The following PTPRG variants were observed in gnomAD, a reference collection of about 807,000 sequenced individuals.
PTPRG encodes protein tyrosine phosphatase receptor type G, also known as receptor-type tyrosine-protein phosphatase gamma.
Under a neutral mutation model 165.3 loss-of-function variants are expected in PTPRG, and 102 were observed. The observed-to-expected ratio is 0.62, with a 90% CI of 0.53 to 0.73. PTPRG has a LOEUF of 0.73. Ranked by LOEUF, PTPRG falls within the 30% of genes least tolerant of loss-of-function variation. PTPRG has a pLI of 0.00. For synonymous variants in PTPRG, 675 were observed against 669.5 expected, an observed-to-expected ratio of 1.01 and a Z score of -0.13; for missense variants, 1,866 against 1,861.4, an observed-to-expected ratio of 1.00 and a Z score of -0.05.
At chr3:61,824,406 A>G (rs1337545635) in intron 2 of PTPRG, among the ~76,000 whole-genome samples, 1 of 152,236 alleles carries the variant, frequency 6.6e-6, no homozygotes, top group East Asian at 1.9e-4. Context: ...CAGGTTACTC[A>G]TGTAGGATAG....
At chr3:62,051,110 G>C (rs188548310) in intron 4 of PTPRG, among the ~76,000 whole-genome samples, 5 of 152,300 alleles carry the variant, frequency 3.3e-5, no homozygotes, top group Admixed American at 3.3e-4. Flanking sequence ...CATAAGTGAG[G>C]CATGTCTCCA....
chr3:62,179,099 T>G (rs1443493474), intron 8 of PTPRG, among the ~76,000 whole-genome samples: 1 of 152,154 alleles, frequency 6.6e-6, no homozygotes, highest in Non-Finnish European at 1.5e-5. Flanking sequence ...GTTGAAGCTG[T>G]TTTTCTTCAG....
intron 1 of PTPRG, among the ~76,000 whole-genome samples, chr3:61,691,420 A>G (rs992462305): frequency 1.3e-5 from 2 of 152,148 alleles, no homozygotes; most frequent in Non-Finnish European, 2.9e-5. Context: ...CAAACAAAAA[A>G]CAAGTTGCAG....
At chr3:62,048,920 A>G (rs1466216596) in intron 4 of PTPRG, among the ~76,000 whole-genome samples, 1 of 152,174 alleles carries the variant, frequency 6.6e-6, no homozygotes. Flanking sequence ...GAGTAAAGGG[A>G]GTTTGAGATA....
At chr3:61,713,327 A>ATTT (rs556907427) in intron 1 of PTPRG, among the ~76,000 whole-genome samples, 2 of 135,504 alleles carry the variant, frequency 1.5e-5, no homozygotes, top group South Asian at 2.4e-4. Flanking sequence ...CGCTCAGCTA[A>ATTT]TTTTTTTTTT....
At chr3:61,866,337 C>A (rs2037407277) in intron 2 of PTPRG, among the ~76,000 whole-genome samples, 1 of 152,110 alleles carries the variant, frequency 6.6e-6, no homozygotes, top group Non-Finnish European at 1.5e-5. Flanking sequence ...TGACCATGAT[C>A]ATTTTCTCTA....
chr3:61,640,569 G>A (rs917694815), intron 1 of PTPRG, among the ~76,000 whole-genome samples: 2 of 152,222 alleles, frequency 1.3e-5, no homozygotes, highest in East Asian at 1.9e-4. Flanking sequence ...TGAAGCAAAT[G>A]TCTTAAAGGA....
intron 1 of PTPRG, among the ~76,000 whole-genome samples, chr3:61,602,422 C>G (rs949791431): frequency 6.6e-6 from 1 of 152,128 alleles, no homozygotes; most frequent in Non-Finnish European, 1.5e-5. Context: ...AAGTGTCCAG[C>G]TACCTCACAC....
At chr3:62,232,697 A>G in intron 14 of PTPRG, among the ~76,000 whole-genome samples, 1 of 152,142 alleles carries the variant, frequency 6.6e-6, no homozygotes, top group South Asian at 2.1e-4. Flanking sequence ...CATTATAGAT[A>G]TATTTTAGAT....
intron 5 of PTPRG, among the ~76,000 whole-genome samples, chr3:62,084,076 T>G (rs2526424): frequency 6.6e-6 from 1 of 151,978 alleles, no homozygotes; most frequent in Non-Finnish European, 1.5e-5. Context: ...AGCATCTACA[T>G]TAAGAAACGT....
intron 2 of PTPRG, among the ~76,000 whole-genome samples, chr3:61,880,993 A>T (rs1465710485): frequency 2.7e-5 from 4 of 149,958 alleles, no homozygotes; most frequent in Non-Finnish European, 5.9e-5. Context: ...GCCCCTATTA[A>T]TCTTCATTCC....
intron 2 of PTPRG, among the ~76,000 whole-genome samples, chr3:61,982,132 A>G (rs1445975951): frequency 6.6e-6 from 1 of 152,192 alleles, no homozygotes; most frequent in Non-Finnish European, 1.5e-5. Flanking sequence ...ATATTAGTCA[A>G]AATGTTGACT....
At position 62,224,444 on chromosome 3, in the gene PTPRG, T is replaced by C. The variant is rs1471298585; in HGVS notation, c.2288+5461T>C. On this transcript the variant is annotated intron_variant, in intron 13 of 29. Transcript: ENST00000474889. This position sits in a 1 kb window ranked among gnomAD's most constrained non-coding sequence, Gnocchi z 4.9. ...GAGGAGGCACCAAGCTCTCAACTGC[T>C]TGGCCTAGAAGTGGAACCCTTCACT... Among the ~76,000 whole-genome samples the C allele has an allele frequency of 6.6e-6, 1 of 152,210 alleles. No homozygotes were observed. The highest frequency in any genetic ancestry group is 1.9e-4 in the East Asian group (1 of 5,194).
chr3:61,621,077 G>A (rs12638155), intron 1 of PTPRG, among the ~76,000 whole-genome samples: 8,338 of 144,562 alleles, frequency 0.058, 364 homozygotes, highest in East Asian at 0.2. Context: ...GTGTGTGTGT[G>A]TATATTTATT....
intron 1 of PTPRG, among the ~76,000 whole-genome samples, chr3:61,687,740 A>T (rs919061981): frequency 1.3e-5 from 2 of 152,226 alleles, no homozygotes; most frequent in African/African-American, 4.8e-5. Context: ...GTTTGCATTC[A>T]CTTAAACATT....
intron 8 of PTPRG, among the ~76,000 whole-genome samples, chr3:62,169,282 C>A (rs1444375126): frequency 6.6e-6 from 1 of 152,136 alleles, no homozygotes; most frequent in Non-Finnish European, 1.5e-5. Flanking sequence ...ATCATCAGGA[C>A]CTTTGAATTG....
chr3:61,627,419 A>C (rs1187802461), intron 1 of PTPRG, among the ~76,000 whole-genome samples: 2 of 152,152 alleles, frequency 1.3e-5, no homozygotes, highest in Non-Finnish European at 2.9e-5. Context: ...TACAATAGAA[A>C]GTTAAAACAT....
chr3:62,068,745 A>T (rs935388951), intron 4 of PTPRG, among the ~76,000 whole-genome samples: 2 of 152,182 alleles, frequency 1.3e-5, no homozygotes, highest in Non-Finnish European at 2.9e-5. Context: ...TCTCAAAAAC[A>T]TCCTGGCACC....
chr3:62,003,540 C>A, intron 4 of PTPRG, 43 bp downstream of exon 4: 1 of 1,605,866 alleles, frequency 6.2e-7, no homozygotes, highest in Non-Finnish European at 8.5e-7. Context: ...GTGCTTCGGT[C>A]TTTATGTTAA....
Sources: allele counts gnomAD v4.1 joint callset (sites outside exome capture counted in the v4.1 genomes callset), GRCh38; gene constraint gnomAD v4.1.1; non-coding constraint Gnocchi (gnomAD v3.1); transcripts MANE v1.5; gene names NCBI Gene and HGNC (gene_info 2026-07-23, HGNC 2026-07-21).